Variants in RIMKLA observed in about 807,000 individuals in gnomAD.
The protein encoded by RIMKLA is N-acetylaspartylglutamate synthase A.
RIMKLA carries 14 observed loss-of-function variants against 32.7 expected under a neutral mutation model. The observed-to-expected ratio is 0.43, with a 90% CI of 0.28 to 0.67. The LOEUF (loss-of-function observed/expected upper bound fraction) is 0.67. Among genes scored for constraint, RIMKLA ranks in the 30% least tolerant of loss-of-function variants. RIMKLA has a pLI of 0.18. For synonymous variants in RIMKLA, 176 were observed against 204.1 expected (o/e 0.86, Z 1.18); for missense variants, 410 against 519.0 (o/e 0.79, Z 2.04).
rs370687403 is a variant in RIMKLA, at chr1:42,410,073, T to G, written c.571T>G (p.Tyr191Asp). The G allele has an allele frequency of 8.7e-6, 14 of 1,614,006 alleles. No homozygotes were observed. Among genetic ancestry groups the G allele is most frequent in the Non-Finnish European group, 1.2e-5 (14 of 1,180,004 alleles). ...RHDVPYLFQK[Y>D]VKESHGKDIR... Reference sequence around the variant, plus strand: ...CGATGTGCCCTACCTGTTCCAGAAGTACGTGAAGGAGTCCCATGGAAAGGA... The same window carrying G: ...CGATGTGCCCTACCTGTTCCAGAAGGACGTGAAGGAGTCCCATGGAAAGGA... Residue 191 changes from tyrosine to aspartate, a missense_variant, in exon 4 of 5, where the codon TAC becomes GAC. By Grantham distance (160) the Tyr-to-Asp change is radical. Coordinates refer to ENST00000431473, the MANE Select transcript of RIMKLA (RefSeq NM_173642.4).
chr1:42,382,763 CCACAGGAAA>C (rs1325671894), intron 1 of RIMKLA, among the ~76,000 whole-genome samples: 2 of 152,120 alleles, frequency 1.3e-5, no homozygotes, highest in Non-Finnish European at 2.9e-5. Flanking sequence ...AATGCTAGTG[CCACAGGAAA>C]CACTCAGACC....
intron 2 of RIMKLA, among the ~76,000 whole-genome samples, 195 bp from the exon 3 acceptor site, chr1:42,404,316 T>G (rs1202243333): frequency 6.6e-6 from 1 of 152,210 alleles, no homozygotes; most frequent in African/African-American, 2.4e-5. Flanking sequence ...TGCTAAATGT[T>G]GGTTTCCTTA....
At chr1:42,406,881 T>A (rs1411936740) in intron 3 of RIMKLA, among the ~76,000 whole-genome samples, 1 of 152,170 alleles carries the variant, frequency 6.6e-6, no homozygotes, top group Non-Finnish European at 1.5e-5. Flanking sequence ...GGGTTTTTAA[T>A]CTTTTTATTG....
chr1:42,386,197 A>G (rs1642945529), intron 1 of RIMKLA, among the ~76,000 whole-genome samples: 1 of 151,890 alleles, frequency 6.6e-6, no homozygotes, highest in Non-Finnish European at 1.5e-5. Context: ...TGCTGGTATT[A>G]CGGGCGTGAG....
In RIMKLA at chr1:42,416,953, G is replaced by GT. The variant is rs1643254381; in HGVS notation, c.*1979_*1980insT. On this transcript the variant is annotated 3_prime_UTR_variant, in exon 5 of 5. Transcript: ENST00000431473. ...CCCTAGTAATGTGTCTTGTACAGTT[G>GT]AAAAATAATACTTCACCTTTATATA... 2 of 152,160 alleles carry GT rather than the reference G, an allele frequency of 1.3e-5. No individual in the cohort carries two copies. Among genetic ancestry groups the GT allele is most frequent in the Middle Eastern group, 3.2e-3 (1 of 316 alleles). 9.4% of individuals were successfully genotyped at this position (152,160 alleles called of 1,614,324 possible).
intron 1 of RIMKLA, among the ~76,000 whole-genome samples, chr1:42,385,846 CTT>C (rs1491026879): frequency 0.019 from 202 of 10,846 alleles, 33 homozygotes; most frequent in Non-Finnish European, 0.041. Flanking sequence ...CTTTCTTTCT[CTT>C]TCTTTCTTTC....
At chr1:42,407,537 A>G (rs1643158162) in intron 3 of RIMKLA, among the ~76,000 whole-genome samples, 2 of 152,166 alleles carry the variant, frequency 1.3e-5, no homozygotes, top group Admixed American at 6.5e-5. Flanking sequence ...GATTCTTTTG[A>G]ATGTGGATAT....
At chr1:42,413,332 G>A (rs1043579681) in intron 4 of RIMKLA, among the ~76,000 whole-genome samples, 6 of 151,328 alleles carry the variant, frequency 4.0e-5, no homozygotes, top group African/African-American at 7.3e-5. Context: ...TGAAACCCGT[G>A]TCTACTAAAA....
At chr1:42,391,283 G>A (rs1160005927) in intron 1 of RIMKLA, among the ~76,000 whole-genome samples, 1 of 152,128 alleles carries the variant, frequency 6.6e-6, no homozygotes, top group African/African-American at 2.4e-5. Flanking sequence ...TAAGAGTAAG[G>A]AGCTAAAGCT....
chr1:42,408,173 G>C (rs1643163636), intron 3 of RIMKLA, among the ~76,000 whole-genome samples: 1 of 152,020 alleles, frequency 6.6e-6, no homozygotes, highest in Non-Finnish European at 1.5e-5. Context: ...ACACTTGCTG[G>C]GGCCTCTCCA....
intron 1 of RIMKLA, 90 bp from the exon 2 acceptor site, chr1:42,399,314 G>A (rs1202673926): frequency 9.4e-6 from 9 of 957,824 alleles, no homozygotes; most frequent in Non-Finnish European, 1.4e-5. Context: ...GTTCCTACTA[G>A]GTTCAGTCTT....
intron 3 of RIMKLA, among the ~76,000 whole-genome samples, chr1:42,406,111 G>C (rs12403406): frequency 6.6e-6 from 1 of 152,196 alleles, no homozygotes; most frequent in South Asian, 2.1e-4. Context: ...AGGCTTTGGG[G>C]ATACAGATAA....
rs772577198 is a variant in RIMKLA, at chr1:42,399,537, C to A, written c.297C>A (p.Val99=). The A allele has an allele frequency of 6.2e-7, 1 of 1,613,476 alleles. No homozygotes were observed. The highest frequency in any genetic ancestry group is 1.1e-5 in the South Asian group (1 of 90,798). Residue 99 remains valine (V), a synonymous_variant, in exon 2 of 5, where the codon GTC becomes GTA. Coordinates refer to ENST00000431473, the MANE Select transcript of RIMKLA (RefSeq NM_173642.4). ...TGGAGAAGCTGGGCTGCCGGTTGGT[C>A]AATCGCCCACAGAGCATCTTAAATT... The part of the protein sequence containing the change: ...RHLEKLGCRL[V]NRPQSILNCI...
intron 1 of RIMKLA, among the ~76,000 whole-genome samples, chr1:42,389,109 GT>G (rs1642975519): frequency 6.6e-6 from 1 of 152,184 alleles, no homozygotes; most frequent in East Asian, 1.9e-4. Context: ...GGACTCCAAA[GT>G]TTTTGGCCTG....
rs1557757754 is a variant in RIMKLA, at chr1:42,410,310, AACAAAC to A, written c.685+124_685+129del. 11 of 788,378 alleles carry A rather than the reference AACAAAC, an allele frequency of 1.4e-5. No homozygotes were observed. The South Asian group carries it at 1.9e-4, about 14-fold the overall frequency. The allele number at this position is 788,378 out of a possible 1,614,324, so 48.8% of individuals were successfully genotyped here. A position where few individuals can be genotyped will look rare whatever the true frequency, so the allele number is the denominator to read the frequency against. On this transcript the variant is annotated intron_variant, in intron 4 of 4. Coordinates refer to ENST00000431473, the MANE Select transcript of RIMKLA (RefSeq NM_173642.4). ...CAGGATCTCACAGATGAGAATGAGG[AACAAAC>A]TCTTTCCTATGGCAGCAAGCAATCC...
chr1:42,381,041 G>T lies in RIMKLA; in HGVS notation c.107G>T (p.Arg36Leu). ...CAGCGCTGCTCCGAGCAGGACGTGC[G>T]CTTCCGGGCGGTGCTTATGGACCAG... Reference protein sequence around the residue: ...LRQRCSEQDVRFRAVLMDQIA... With the variant: ...LRQRCSEQDVLFRAVLMDQIA... Residue 36 changes from arginine (R) to leucine (L), a missense_variant, in exon 1 of 5, where the codon CGC becomes CTC. Transcript: ENST00000431473. The T allele has an allele frequency of 7.5e-7, 1 of 1,339,326 alleles. No individual in the cohort carries two copies. 83.0% of individuals were successfully genotyped at this position (1,339,326 alleles called of 1,614,324 possible). A position where few individuals can be genotyped will look rare whatever the true frequency, so the allele number is the denominator to read the frequency against.
Position 42,419,070 on chromosome 1 carries a change from A to T in RIMKLA, c.*4096A>T, listed in dbSNP as rs982892719. On this transcript the variant is annotated 3_prime_UTR_variant, in exon 5 of 5. Transcript: ENST00000431473. ...TTTGACTGTACCTCTGAGACTCAAG[A>T]TCAGGACAGATTGTTACTTTAAAAT... is the stretch of plus-strand genomic sequence containing the variant. 3 of 152,226 alleles carry T rather than the reference A, an allele frequency of 2.0e-5. No homozygotes were observed. Among genetic ancestry groups the T allele is most frequent in the African/African-American group, 7.2e-5 (3 of 41,454 alleles). 9.4% of individuals were successfully genotyped at this position (152,226 alleles called of 1,614,324 possible). A position where few individuals can be genotyped will look rare whatever the true frequency, so the allele number is the denominator to read the frequency against.
chr1:42,397,557 C>T (rs1276476304), intron 1 of RIMKLA, among the ~76,000 whole-genome samples: 1 of 151,978 alleles, frequency 6.6e-6, no homozygotes, highest in East Asian at 1.9e-4. Context: ...ACTACATCTC[C>T]CCAAAATTTT....
rs1642880780 is a variant in RIMKLA at position 42,380,907 on chromosome 1, C to G, written c.-28C>G. 2.4e-5 allele frequency: 31 copies of G among 1,311,424 alleles called. No homozygotes were observed. Among genetic ancestry groups the G allele is most frequent in the Non-Finnish European group, 2.8e-5 (29 of 1,031,812 alleles). 81.2% of individuals were successfully genotyped at this position (1,311,424 alleles called of 1,614,324 possible). On this transcript the variant is annotated 5_prime_UTR_variant, in exon 1 of 5. Coordinates refer to ENST00000431473, the MANE Select transcript of RIMKLA (RefSeq NM_173642.4). ...GGCCCGGGGCGCCGAGGGGTCCGCG[C>G]CGCGCGGGGCGCACCGCCCTGGCCG...
Sources: gnomAD v4.1 joint callset for allele counts (sites outside exome capture counted in the v4.1 genomes callset) on GRCh38, gnomAD v4.1.1 for gene constraint, MANE v1.5 for transcripts, NCBI Gene and HGNC (gene_info 2026-07-23, HGNC 2026-07-21) for gene names.